The following PRKN variants were observed in gnomAD, a reference collection of about 807,000 sequenced individuals.
The protein encoded by PRKN is E3 ubiquitin-protein ligase parkin.
In PRKN, 56 loss-of-function variants were observed where a neutral mutation model predicts 59.5. That is an observed-to-expected ratio of 0.94 (90% CI 0.76 to 1.18). The LOEUF is 1.18. Among genes scored for constraint, PRKN ranks in the 50% most tolerant of loss-of-function variants. The probability of loss-of-function intolerance (pLI) is 0.00; values close to 1 mark genes in which losing one functional copy is unlikely to be tolerated. For missense variants in PRKN, 657 were observed against 596.4 expected, an observed-to-expected ratio of 1.10 and a Z score of -1.06; for synonymous variants, 250 against 222.1, an observed-to-expected ratio of 1.13 and a Z score of -1.12.
At position 161,817,093 on chromosome 6, in the gene PRKN, G is replaced by C. The variant is rs998790766; in HGVS notation, c.735-31185C>G. 1.2e-3 allele frequency among the ~76,000 whole-genome samples: 180 copies of C among 152,220 alleles called. 3 individuals carry two copies. Among genetic ancestry groups the C allele is most frequent in the Non-Finnish European group, 3.5e-4 (24 of 68,026 alleles). ...GATTTGCCCAGGAGACTGGGTCCTA[G>C]AATTTGATCAATTCTACCTTCCCGG... On this transcript the variant is annotated intron_variant, in intron 6 of 11. Coordinates refer to ENST00000366898, the MANE Select transcript of PRKN (RefSeq NM_004562.3).
chr6:161,383,687 G>A (rs1343268819), intron 10 of PRKN, among the ~76,000 whole-genome samples: 2 of 152,198 alleles, frequency 1.3e-5, no homozygotes, highest in Admixed American at 6.5e-5. Flanking sequence ...ACAGGCCTGG[G>A]GTGGTCATGG....
At chr6:162,220,555 G>A (rs1046357327) in intron 3 of PRKN, among the ~76,000 whole-genome samples, 1 of 152,152 alleles carries the variant, frequency 6.6e-6, no homozygotes, top group Non-Finnish European at 1.5e-5. Flanking sequence ...AGGTACAAAG[G>A]AATCTGTCAC....
At chr6:161,806,850 A>C (rs116106038) in intron 6 of PRKN, among the ~76,000 whole-genome samples, 489 of 152,308 alleles carry the variant, frequency 3.2e-3, no homozygotes, top group African/African-American at 0.011. Context: ...TTTGATATTA[A>C]GCTGTAAAGA....
At chr6:162,194,876 C>A (rs528750742) in intron 4 of PRKN, among the ~76,000 whole-genome samples, 2 of 152,104 alleles carry the variant, frequency 1.3e-5, no homozygotes, top group Admixed American at 1.3e-4. Context: ...TGGATGAGAG[C>A]CCGTGATAAG....
Position 161,828,717 on chromosome 6 carries a change from G to A in PRKN, c.735-42809C>T, listed in dbSNP as rs559234058. ...GCGGATCACCTGAGGTCAGGAGTTCGAATCCAGCCTGTCCAAAATGACAAA... is the reference window on the plus strand; with the variant it reads ...GCGGATCACCTGAGGTCAGGAGTTCAAATCCAGCCTGTCCAAAATGACAAA... On this transcript the variant is annotated intron_variant, in intron 6 of 11. Coordinates refer to ENST00000366898, the MANE Select transcript of PRKN (RefSeq NM_004562.3). Among the ~76,000 whole-genome samples, 44 of 151,944 alleles carry A rather than the reference G, an allele frequency of 2.9e-4. No homozygotes were observed. In the Middle Eastern group the frequency reaches 0.01, roughly 35 times the overall value.
intron 4 of PRKN, among the ~76,000 whole-genome samples, chr6:162,121,317 C>T (rs1015134084): frequency 1.3e-5 from 2 of 152,090 alleles, no homozygotes; most frequent in Non-Finnish European, 2.9e-5. Context: ...AATGTAGGCA[C>T]CATCATTTTA....
chr6:162,178,155 C>T (rs1465450184), intron 4 of PRKN, among the ~76,000 whole-genome samples: 3 of 152,160 alleles, frequency 2.0e-5, no homozygotes, highest in East Asian at 1.9e-4. Flanking sequence ...GAAATAGAGT[C>T]GCTACATCCT....
intron 5 of PRKN, among the ~76,000 whole-genome samples, chr6:162,053,753 G>A (rs1028522189): frequency 2.6e-5 from 4 of 152,116 alleles, no homozygotes; most frequent in Non-Finnish European, 4.4e-5. Context: ...TGAATCTCAT[G>A]CTTCTGTAAT....
At chr6:162,200,572 G>A (rs1011598461) in intron 4 of PRKN, among the ~76,000 whole-genome samples, 15 of 152,246 alleles carry the variant, frequency 9.9e-5, no homozygotes, top group South Asian at 2.1e-4. Context: ...CCAACTTTGC[G>A]TCAGGGGCTG....
chr6:162,402,838 GAGAC>G (rs1787867360), intron 2 of PRKN, among the ~76,000 whole-genome samples: 1 of 151,808 alleles, frequency 6.6e-6, no homozygotes, highest in Non-Finnish European at 1.5e-5. Context: ...AGCTTTCTTA[GAGAC>G]AAGGTCCTGC....
chr6:161,521,282 A>G (rs1778813847), intron 9 of PRKN, among the ~76,000 whole-genome samples: 1 of 152,238 alleles, frequency 6.6e-6, no homozygotes, highest in South Asian at 2.1e-4. Flanking sequence ...TTCATTTTGC[A>G]CTATATGGAA....
chr6:162,217,628 G>A (rs752151819), intron 3 of PRKN, among the ~76,000 whole-genome samples: 21 of 152,134 alleles, frequency 1.4e-4, no homozygotes, highest in Non-Finnish European at 2.1e-4. Context: ...CTGACCTCAA[G>A]TGATCTGCCC....
At chr6:161,516,616 T>G (rs1245236355) in intron 9 of PRKN, among the ~76,000 whole-genome samples, 2 of 150,696 alleles carry the variant, frequency 1.3e-5, no homozygotes, top group African/African-American at 4.9e-5. Context: ...TCACCTGAGA[T>G]TAGGAGTTCG....
chr6:161,600,954 T>C (rs1190272287), intron 7 of PRKN, among the ~76,000 whole-genome samples: 1 of 152,208 alleles, frequency 6.6e-6, no homozygotes, highest in Non-Finnish European at 1.5e-5. Context: ...TTCATTACAG[T>C]TACCCTTGGG....
At chr6:162,658,913 A>C (rs2128227887) in intron 1 of PRKN, among the ~76,000 whole-genome samples, 1 of 152,214 alleles carries the variant, frequency 6.6e-6, no homozygotes, top group East Asian at 1.9e-4. Context: ...ATGACATTTA[A>C]AACAAGTCCA....
intron 7 of PRKN, among the ~76,000 whole-genome samples, chr6:161,782,818 C>T (rs969699758): frequency 5.3e-5 from 8 of 151,890 alleles, no homozygotes; most frequent in South Asian, 2.1e-4. Flanking sequence ...CACTTGAACC[C>T]GGGAGGCCAA....
intron 5 of PRKN, among the ~76,000 whole-genome samples, chr6:161,977,583 G>A (rs974063864): frequency 9.6e-5 from 10 of 103,774 alleles, no homozygotes; most frequent in Non-Finnish European, 1.4e-4. Context: ...AGTCTTTTCT[G>A]TCGCCCAGGC....
At chr6:161,975,224 T>A (rs113906318) in intron 5 of PRKN, among the ~76,000 whole-genome samples, 8,306 of 151,516 alleles carry the variant, frequency 0.055, 336 homozygotes, top group Middle Eastern at 0.1. Flanking sequence ...TAGCTGGGAC[T>A]ACAGGTGCCC....
chr6:162,264,385 T>A (rs1394638151), intron 2 of PRKN, among the ~76,000 whole-genome samples: 2 of 152,094 alleles, frequency 1.3e-5, no homozygotes, highest in Non-Finnish European at 2.9e-5. Context: ...GTGAAATGCA[T>A]CCATAACTCA....
Sources: gnomAD v4.1 joint callset for allele counts (sites outside exome capture counted in the v4.1 genomes callset) on GRCh38, gnomAD v4.1.1 for gene constraint, MANE v1.5 for transcripts, NCBI Gene and HGNC (gene_info 2026-07-23, HGNC 2026-07-21) for gene names.